The following MUC17 variants were observed in gnomAD, a reference collection of about 807,000 sequenced individuals.
MUC17 encodes the protein mucin 17, cell surface associated.
MUC17 carries 190 observed loss-of-function variants against 170.3 expected under a neutral mutation model. The observed-to-expected ratio is 1.12, with a 90% confidence interval of 0.99 to 1.26. The LOEUF is 1.26. Among genes scored for constraint, MUC17 ranks in the 50% most tolerant of loss-of-function variants. MUC17 has a pLI of 0.00. For synonymous variants in MUC17, 2,325 were observed against 2,002.5 expected, an observed-to-expected ratio of 1.16 and a Z score of -4.30; for missense variants, 6,415 against 5,530.0, an observed-to-expected ratio of 1.16 and a Z score of -5.08.
At chr7:101,048,232 G>A in intron 4 of MUC17, 117 bp downstream of exon 4, 4 of 1,059,730 alleles carry the variant, frequency 3.8e-6, no homozygotes, top group Non-Finnish European at 5.1e-6. Context: ...TCTGGGCTGT[G>A]GTGTTTTTTG....
In MUC17 at chr7:101,037,228, G is replaced by A. The variant is rs762292803; in HGVS notation, c.5812G>A (p.Val1938Met). Residue 1938 changes from valine (V) to methionine (M), a missense_variant, in exon 3 of 13, where the codon GTG becomes ATG. Coordinates refer to ENST00000306151, the MANE Select transcript of MUC17 (RefSeq NM_001040105.2). ...AAGTATACCTGTCAGCACCACAACA[G>A]TGGCCAGTTCTGAAATCAACACCCT... ...LTSIPVSTTT[V>M]ASSEINTLST... 6.2e-7 allele frequency: 1 copy of A among 1,611,844 alleles called. No homozygotes were observed. The highest frequency in any genetic ancestry group is 8.5e-7 in the Non-Finnish European group (1 of 1,178,696).
Position 101,041,498 on chromosome 7 carries a change from C to T in MUC17, c.10082C>T (p.Ser3361Phe). The T allele has an allele frequency of 1.2e-6, 2 of 1,614,010 alleles. No individual in the cohort carries two copies. Among genetic ancestry groups the T allele is most frequent in the Non-Finnish European group, 8.5e-7 (1 of 1,179,956 alleles). ...PVVSSEASTL[S>F]TTPVDTSTPV... is the part of the protein sequence containing the mutation. ...GTCAGTTCTGAGGCTAGCACCCTTT[C>T]CACAACTCCTGTTGACACCAGCACA... The change falls in exon 3 of 13, where the codon TCC becomes TTC. Residue 3361 changes from serine to phenylalanine, a missense_variant. Transcript: ENST00000306151.
rs143907735 is a variant in MUC17 at position 101,021,007 on chromosome 7, C to T, written c.82+790C>T. Among the ~76,000 whole-genome samples, 19 of 152,284 alleles carry T rather than the reference C, an allele frequency of 1.2e-4. No homozygotes were observed. In the East Asian group the frequency reaches 3.3e-3, roughly 26 times the overall value. ...CATAGACCTCAGGGTCCCTGCCCCTCGAGATGTCACCCTGTGGCAATCTCA... is the reference window on the plus strand; with the variant it reads ...CATAGACCTCAGGGTCCCTGCCCCTTGAGATGTCACCCTGTGGCAATCTCA... On this transcript the variant is annotated intron_variant, in intron 1 of 12. Transcript: ENST00000306151.
At chr7:101,053,880 CAAAA>C (rs1161408296) in intron 11 of MUC17, among the ~76,000 whole-genome samples, 1 of 109,000 alleles carries the variant, frequency 9.2e-6, no homozygotes. Flanking sequence ...AACTCCGTCT[CAAAA>C]AAAAAAAAAA....
rs115082361 is a variant in MUC17 at position 101,033,138 on chromosome 7, C to T, written c.1722C>T (p.Asn574=). 1.0e-3 allele frequency: 1,654 copies of T among 1,606,530 alleles called. 13 individuals carry two copies. In the African/African-American group the frequency reaches 0.018, roughly 18 times the overall value. The change falls in exon 3 of 13, where the codon AAC becomes AAT. Residue 574 remains asparagine (N), a synonymous_variant. Transcript: ENST00000306151. The stretch of plus-strand genomic sequence containing the variant: ...GTGAAGGAAGCACTCCATTAACAAA[C>T]ATGCCTGTCAGCACCAGGCTGGTGG... The part of the protein sequence containing the change: ...TPSEGSTPLT[N]MPVSTRLVVS...
At position 101,033,094 on chromosome 7, in the gene MUC17, A is replaced by G; in HGVS notation, c.1678A>G (p.Ile560Val). Reference sequence around the variant, plus strand: ...TTCTACAACTCCTGAAGGTACCAGCATACCAACCTCAACTCCTAGTGAAGG... The same window carrying G: ...TTCTACAACTCCTGAAGGTACCAGCGTACCAACCTCAACTCCTAGTGAAGG... ...SSSTTPEGTS[I>V]PTSTPSEGST... The change falls in exon 3 of 13, where the codon ATA (isoleucine) becomes GTA (valine). Residue 560 changes from isoleucine (I) to valine (V), a missense_variant. Coordinates refer to ENST00000306151, the MANE Select transcript of MUC17 (RefSeq NM_001040105.2). The G allele has an allele frequency of 1.2e-6, 2 of 1,611,836 alleles. No individual in the cohort carries two copies. The highest frequency in any genetic ancestry group is 1.1e-5 in the South Asian group (1 of 90,972).
At chr7:101,020,376 C>G (rs1391542053) in intron 1 of MUC17, among the ~76,000 whole-genome samples, 159 bp downstream of exon 1, 1 of 152,170 alleles carries the variant, frequency 6.6e-6, no homozygotes, top group Non-Finnish European at 1.5e-5. Flanking sequence ...GACTTCTCTT[C>G]TCTCCCCAGC....
rs1794523286 is a variant in MUC17, at chr7:101,037,425, C to T, written c.6009C>T (p.Ser2003=). The part of the protein sequence containing the change: ...STTLVVSSEA[S]TLSTTPVDTS... ...CGCTGGTGGTCAGTTCTGAGGCTAG[C>T]ACTCTTTCCACAACTCCTGTTGACA... The change falls in exon 3 of 13, where the codon AGC becomes AGT. Residue 2003 remains serine (S), a synonymous_variant. Coordinates refer to ENST00000306151, the MANE Select transcript of MUC17 (RefSeq NM_001040105.2). The T allele has an allele frequency of 1.2e-6, 2 of 1,611,382 alleles. No individual in the cohort carries two copies. The highest frequency in any genetic ancestry group is 1.7e-6 in the Non-Finnish European group (2 of 1,178,322).
Position 101,047,055 on chromosome 7 carries a change from C to T in MUC17, c.12404-929C>T, listed in dbSNP as rs529197285. Among the ~76,000 whole-genome samples, 1,130 of 148,548 alleles carry T rather than the reference C, an allele frequency of 7.6e-3. 10 individuals are homozygous for T. The highest frequency in any genetic ancestry group is 0.026 in the African/African-American group (1,059 of 40,178). On this transcript the variant is annotated intron_variant, in intron 3 of 12. Transcript: ENST00000306151. ...GAGATCACGCCACTGCACTCCAGCCCGGGCGACAGAGCAAGACTCCGTCTC... is the reference window on the plus strand; with the variant it reads ...GAGATCACGCCACTGCACTCCAGCCTGGGCGACAGAGCAAGACTCCGTCTC...
rs143002700 is a variant in MUC17, at chr7:101,041,251, G to T, written c.9835G>T (p.Gly3279Ter). ...CATGCCAACCTCAACTCCTAGTGAAGGAAGCACTCCATTAACAAGTATGCC... is the reference window on the plus strand; with the variant it reads ...CATGCCAACCTCAACTCCTAGTGAATGAAGCACTCCATTAACAAGTATGCC... ...TSMPTSTPSE[G>*]STPLTSMPVS... Residue 3279 changes from glycine to a stop codon, truncating the protein, a stop_gained, in exon 3 of 13, where the codon GGA becomes TGA. Coordinates refer to ENST00000306151, the MANE Select transcript of MUC17 (RefSeq NM_001040105.2). LOFTEE classifies it high-confidence loss of function. 3 of 1,611,486 alleles carry T rather than the reference G, an allele frequency of 1.9e-6. No homozygotes were observed. The highest frequency in any genetic ancestry group is 1.7e-5 in the Admixed American group (1 of 59,836).
chr7:101,049,174 G>A (rs1389105708), intron 5 of MUC17, 150 bp from the exon 6 acceptor site: 8 of 1,383,660 alleles, frequency 5.8e-6, no homozygotes, highest in Non-Finnish European at 7.1e-6. Context: ...CCCTGGGGTG[G>A]AGCAGGTCTC....
rs79046921 is a variant in MUC17 at position 101,039,875 on chromosome 7, C to T, written c.8459C>T (p.Thr2820Met). ...TTAACTAGTATGCCTGTCAACCACACGCCAGTGGCCAGTTCTGAGGCTGGC... is the reference window on the plus strand; with the variant it reads ...TTAACTAGTATGCCTGTCAACCACATGCCAGTGGCCAGTTCTGAGGCTGGC... ...TPLTSMPVNH[T>M]PVASSEAGTL... Residue 2820 changes from threonine to methionine, a missense_variant, in exon 3 of 13, where the codon ACG (threonine) becomes ATG (methionine). By Grantham distance (81) the Thr-to-Met change is moderately conservative. Transcript: ENST00000306151. 12,677 of 1,609,778 alleles carry T rather than the reference C, an allele frequency of 7.9e-3. 893 individuals carry two copies. The African/African-American group carries it at 0.15, about 19-fold the overall frequency.
In MUC17 at chr7:101,035,482, A is replaced by G. The variant is rs768850944; in HGVS notation, c.4066A>G (p.Ile1356Val). 6.2e-7 allele frequency: 1 copy of G among 1,602,126 alleles called. No homozygotes were observed. The highest frequency in any genetic ancestry group is 1.1e-5 in the South Asian group (1 of 90,364). ...TTLVASSAISILSTTPVDNST... is the reference protein window; with the variant it reads ...TTLVASSAISVLSTTPVDNST... ...ACTGGTGGCCAGTTCTGCAATCAGC[A>G]TCCTTTCAACAACTCCTGTTGACAA... Residue 1356 changes from isoleucine to valine, a missense_variant, in exon 3 of 13, where the codon ATC becomes GTC. Coordinates refer to ENST00000306151, the MANE Select transcript of MUC17 (RefSeq NM_001040105.2).
In MUC17 at chr7:101,032,692, A is replaced by G; in HGVS notation, c.1276A>G (p.Thr426Ala). ...IPVDSKTFVT[T>A]ASEASSSPTT... is the part of the protein sequence containing the mutation. ...TGTTGACTCCAAAACTTTTGTGACC[A>G]CTGCTAGTGAAGCCAGCTCATCTCC... The change falls in exon 3 of 13, where the codon ACT (threonine) becomes GCT (alanine). Residue 426 changes from threonine (T) to alanine (A), a missense_variant. Physicochemically the swap from Thr to Ala is moderately conservative, Grantham distance 58. Coordinates refer to ENST00000306151, the MANE Select transcript of MUC17 (RefSeq NM_001040105.2). 1 of 1,574,472 alleles carries G rather than the reference A, an allele frequency of 6.4e-7. No individual in the cohort carries two copies. The highest frequency in any genetic ancestry group is 2.4e-5 in the East Asian group (1 of 42,340).
chr7:101,039,159 C>G lies in MUC17; in HGVS notation c.7743C>G (p.Val2581=), dbSNP rs763615135. The stretch of plus-strand genomic sequence containing the variant: ...GCACTCCATTAAGAAGTATGCCTGT[C>G]AGCACCAAGCCGTTGGCCAGTTCTG... ...EGSTPLRSMP[V]STKPLASSEA... Residue 2581 remains valine, a synonymous_variant, in exon 3 of 13, where the codon GTC becomes GTG. Coordinates refer to ENST00000306151, the MANE Select transcript of MUC17 (RefSeq NM_001040105.2). 3 of 1,614,002 alleles carry G rather than the reference C, an allele frequency of 1.9e-6. No homozygotes were observed. The highest frequency in any genetic ancestry group is 1.7e-6 in the Non-Finnish European group (2 of 1,179,952).
In MUC17 at chr7:101,034,558, C is replaced by T; in HGVS notation, c.3142C>T (p.Pro1048Ser). 1.2e-6 allele frequency: 2 copies of T among 1,613,232 alleles called. No individual in the cohort carries two copies. The highest frequency in any genetic ancestry group is 1.7e-6 in the Non-Finnish European group (2 of 1,179,518). Residue 1048 changes from proline to serine, a missense_variant, in exon 3 of 13, where the codon CCT (proline) becomes TCT (serine). Physicochemically the swap from Pro to Ser is moderately conservative, Grantham distance 74. Transcript: ENST00000306151. Reference protein sequence around the residue: ...SEGSTPLTRMPVSTTMVASSE... With the variant: ...SEGSTPLTRMSVSTTMVASSE... ...AGGAAGCACTCCATTAACACGTATG[C>T]CTGTCAGCACCACAATGGTGGCCAG...
intron 1 of MUC17, among the ~76,000 whole-genome samples, chr7:101,028,838 T>C (rs1794227651): frequency 1.3e-5 from 2 of 152,032 alleles, no homozygotes; most frequent in Non-Finnish European, 2.9e-5. Flanking sequence ...CAGTAAGCTA[T>C]GATTGCCCCA....
Position 101,042,313 on chromosome 7 carries a change from G to A in MUC17, c.10897G>A (p.Val3633Ile), listed in dbSNP as rs188929101. 1 of 1,613,982 alleles carries A rather than the reference G, an allele frequency of 6.2e-7. No homozygotes were observed. Among genetic ancestry groups the A allele is most frequent in the African/African-American group, 1.3e-5 (1 of 74,950 alleles). Residue 3633 changes from valine to isoleucine, a missense_variant, in exon 3 of 13, where the codon GTA (valine) becomes ATA (isoleucine). Physicochemically the swap from Val to Ile is conservative, Grantham distance 29. Transcript: ENST00000306151. ...CCTGCCAATGTCAACTCCTAGTGAA[G>A]TAAGCACTCCATTAACCATTATGCC... ...ITLPMSTPSEVSTPLTIMPVS... is the reference protein window; with the variant it reads ...ITLPMSTPSEISTPLTIMPVS...
rs1225493231 is a variant in MUC17 at position 101,050,481 on chromosome 7, C to T, written c.12723-3C>T. On this transcript the variant is annotated splice_region_variant and splice_polypyrimidine_tract_variant and intron_variant, in intron 6 of 12. Transcript: ENST00000306151. ...CCCAGGACGTCTTCCCTTCCCTCTT[C>T]AGTCTTGGCAGTGTGGTGGTGGAGC... 1.9e-6 allele frequency: 3 copies of T among 1,612,062 alleles called. No individual in the cohort carries two copies. Among genetic ancestry groups the T allele is most frequent in the East Asian group, 2.2e-5 (1 of 44,894 alleles).
Sources: gnomAD v4.1 joint callset for allele counts (sites outside exome capture counted in the v4.1 genomes callset) on GRCh38, gnomAD v4.1.1 for gene constraint, MANE v1.5 for transcripts, NCBI Gene and HGNC (gene_info 2026-07-23, HGNC 2026-07-21) for gene names.